XYLT1: variants seen among roughly 807,000 people sequenced by gnomAD.
The protein encoded by XYLT1 is beta-D-xylosyltransferase 1.
Under a neutral mutation model 91.3 loss-of-function variants are expected in XYLT1, and 36 were observed. The ratio of observed to expected loss-of-function variants is 0.39; its 90% CI spans 0.30 to 0.52. The LOEUF (loss-of-function observed/expected upper bound fraction) is 0.52, where lower values mean the gene tolerates loss of function less well. Ranked by LOEUF, XYLT1 falls within the 20% of genes least tolerant of loss-of-function variation. XYLT1 has a pLI of 0.68. For synonymous variants in XYLT1, 588 were observed against 532.0 expected (o/e 1.11, Z -1.45); for missense variants, 1,242 against 1,284.5 (o/e 0.97, Z 0.51).
intron 2 of XYLT1, among the ~76,000 whole-genome samples, chr16:17,270,127 A>C (rs2033866236): frequency 6.6e-6 from 1 of 152,138 alleles, no homozygotes; most frequent in Admixed American, 6.5e-5. Context: ...TCTCTCTTTA[A>C]AACACCCAGT....
chr16:17,207,233 T>G (rs916413325), intron 3 of XYLT1, among the ~76,000 whole-genome samples: 11 of 152,084 alleles, frequency 7.2e-5, no homozygotes, highest in Non-Finnish European at 1.2e-4. Context: ...AAATTTTTTG[T>G]ATTTTTGATA....
chr16:17,257,231 G>C (rs1031602196), intron 3 of XYLT1, among the ~76,000 whole-genome samples: 1 of 152,186 alleles, frequency 6.6e-6, no homozygotes, highest in Non-Finnish European at 1.5e-5. Context: ...TAGGCTCCCA[G>C]GGAAGGTGGA....
At chr16:17,432,740 T>C (rs1397064199) in intron 1 of XYLT1, among the ~76,000 whole-genome samples, 5 of 151,758 alleles carry the variant, frequency 3.3e-5, no homozygotes, top group Non-Finnish European at 7.4e-5. Flanking sequence ...CGCTCACCTC[T>C]CTAGTCCTTA....
rs188262550 is a variant in XYLT1 at position 17,430,375 on chromosome 16, C to T, written c.363+40059G>A. ...AACCAGTAAGTATAACACAAAATATCCCAAATCTGAAAAGATCCAGAATGC... is the reference window on the plus strand; with the variant it reads ...AACCAGTAAGTATAACACAAAATATTCCAAATCTGAAAAGATCCAGAATGC... On this transcript the variant is annotated intron_variant, in intron 1 of 11. Coordinates refer to ENST00000261381, the MANE Select transcript of XYLT1 (RefSeq NM_022166.4). 8.5e-4 allele frequency among the ~76,000 whole-genome samples: 130 copies of T among 152,274 alleles called. 1 individual carries two copies. Among genetic ancestry groups the T allele is most frequent in the Middle Eastern group, 3.4e-3 (1 of 294 alleles).
At chr16:17,165,859 T>G (rs1200591525) in intron 5 of XYLT1, among the ~76,000 whole-genome samples, 1 of 152,246 alleles carries the variant, frequency 6.6e-6, no homozygotes, top group African/African-American at 2.4e-5. Context: ...AATTTGCAGA[T>G]ATGGAATTGT....
At chr16:17,109,059 C>G (rs1249476616) in intron 11 of XYLT1, 42 bp from the exon 12 acceptor site, 1 of 1,482,566 alleles carries the variant, frequency 6.7e-7, no homozygotes, top group South Asian at 1.5e-5. Flanking sequence ...GAAGAGCCAC[C>G]AATAGGATGC....
At chr16:17,254,562 G>A (rs893251489) in intron 3 of XYLT1, among the ~76,000 whole-genome samples, 1 of 151,780 alleles carries the variant, frequency 6.6e-6, no homozygotes, top group African/African-American at 2.4e-5. Flanking sequence ...ACCCAGCTAA[G>A]TTTTGTATTT....
chr16:17,275,397 C>G (rs1174000954), intron 2 of XYLT1, among the ~76,000 whole-genome samples: 3 of 152,154 alleles, frequency 2.0e-5, no homozygotes, highest in Non-Finnish European at 4.4e-5. Context: ...AAGTCCCCCC[C>G]AGGAGGAAAC....
chr16:17,159,943 T>C (rs1448659783), intron 5 of XYLT1, among the ~76,000 whole-genome samples: 1 of 152,268 alleles, frequency 6.6e-6, no homozygotes, highest in Non-Finnish European at 1.5e-5. Context: ...CAGCCTTCTC[T>C]GCTTCGGAAT....
chr16:17,156,154 C>G (rs1296793189), intron 6 of XYLT1, among the ~76,000 whole-genome samples: 1 of 152,216 alleles, frequency 6.6e-6, no homozygotes, highest in African/African-American at 2.4e-5. Flanking sequence ...CAATGCAACA[C>G]AGCTAGAACA....
intron 3 of XYLT1, among the ~76,000 whole-genome samples, chr16:17,215,232 T>C (rs913724561): frequency 1.3e-5 from 2 of 152,210 alleles, no homozygotes; most frequent in Non-Finnish European, 2.9e-5. Context: ...GGTAGGCACC[T>C]GTAATCCCAG....
chr16:17,452,718 T>C (rs531589936), intron 1 of XYLT1, among the ~76,000 whole-genome samples: 26 of 152,346 alleles, frequency 1.7e-4, no homozygotes, highest in Non-Finnish European at 3.4e-4. Context: ...ATATATCTTA[T>C]TGTTTTATGA....
chr16:17,178,206 A>G (rs2031986938), intron 5 of XYLT1, among the ~76,000 whole-genome samples: 1 of 152,116 alleles, frequency 6.6e-6, no homozygotes. Context: ...CTGATGGGTG[A>G]GCTGTGTTTC....
At chr16:17,286,396 G>T (rs2034141040) in intron 2 of XYLT1, among the ~76,000 whole-genome samples, 1 of 152,132 alleles carries the variant, frequency 6.6e-6, no homozygotes, top group Non-Finnish European at 1.5e-5. Flanking sequence ...CAGGGTTTTG[G>T]TCAAACCATG....
chr16:17,403,576 T>G (rs910032422), intron 1 of XYLT1: 1 of 151,554 alleles, frequency 6.6e-6, no homozygotes, highest in Admixed American at 6.6e-5. Context: ...TCAGATCTCA[T>G]GAGAGTCACT....
intron 3 of XYLT1, among the ~76,000 whole-genome samples, chr16:17,249,121 A>C (rs1212312248): frequency 1.3e-5 from 2 of 152,188 alleles, no homozygotes; most frequent in Admixed American, 1.3e-4. Flanking sequence ...CTTTCCTCCC[A>C]AATGAATCCA....
chr16:17,434,122 A>C (rs2036423339), intron 1 of XYLT1, among the ~76,000 whole-genome samples: 1 of 152,194 alleles, frequency 6.6e-6, no homozygotes, highest in Non-Finnish European at 1.5e-5. Flanking sequence ...CCAGGGCTTT[A>C]TCTAAGTGGA....
At chr16:17,316,577 T>C (rs2034635484) in intron 2 of XYLT1, among the ~76,000 whole-genome samples, 1 of 151,840 alleles carries the variant, frequency 6.6e-6, no homozygotes, top group Non-Finnish European at 1.5e-5. Context: ...TGTTAACTTT[T>C]GTAGAGACAA....
At chr16:17,243,390 A>C (rs1451474262) in intron 3 of XYLT1, among the ~76,000 whole-genome samples, 1 of 152,220 alleles carries the variant, frequency 6.6e-6, no homozygotes, top group Non-Finnish European at 1.5e-5. Context: ...GAATTATCTG[A>C]AACAAATCAT....
Sources: allele counts gnomAD v4.1 joint callset (sites outside exome capture counted in the v4.1 genomes callset), GRCh38; gene constraint gnomAD v4.1.1; transcripts MANE v1.5; gene names NCBI Gene and HGNC (gene_info 2026-07-23, HGNC 2026-07-21).